LRRC4C: variants seen among roughly 807,000 people sequenced by gnomAD.
LRRC4C encodes the protein leucine rich repeat containing 4C.
A neutral mutation model predicts 33.6 loss-of-function variants in LRRC4C; 5 were observed. The observed-to-expected ratio is 0.15, with a 90% confidence interval of 0.08 to 0.31. The LOEUF is 0.31. LRRC4C is among the 10% of genes least tolerant of loss of function. LRRC4C has a pLI of 1.00. For missense variants in LRRC4C, 560 were observed against 796.7 expected (o/e 0.70, Z 3.58); for synonymous variants, 329 against 302.0 (o/e 1.09, Z -0.93).
At chr11:40,520,454 A>C (rs540257874) in intron 3 of LRRC4C, among the ~76,000 whole-genome samples, 2 of 152,272 alleles carry the variant, frequency 1.3e-5, no homozygotes, top group East Asian at 3.9e-4. Context: ...TAATTAGCCT[A>C]ATTTAAATAT....
chr11:40,141,462 G>T (rs1857362434), intron 5 of LRRC4C, among the ~76,000 whole-genome samples: 1 of 152,194 alleles, frequency 6.6e-6, no homozygotes. Context: ...GAGATCCTAA[G>T]AGAGAGAGCT....
At chr11:40,940,281 G>A (rs1410894110) in intron 1 of LRRC4C, among the ~76,000 whole-genome samples, 3 of 152,110 alleles carry the variant, frequency 2.0e-5, no homozygotes, top group African/African-American at 7.2e-5. Context: ...CACGTAGTAT[G>A]TACCAAACAA....
chr11:40,413,665 C>T (rs1950226887), intron 3 of LRRC4C, among the ~76,000 whole-genome samples: 1 of 152,078 alleles, frequency 6.6e-6, no homozygotes, highest in Non-Finnish European at 1.5e-5. Flanking sequence ...AATTGTAACA[C>T]TTGGACATTC....
At chr11:40,288,797 T>C (rs1246623767) in intron 4 of LRRC4C, among the ~76,000 whole-genome samples, 1 of 152,234 alleles carries the variant, frequency 6.6e-6, no homozygotes, top group African/African-American at 2.4e-5. Context: ...TTAATATTAG[T>C]AATGGAATTT....
intron 1 of LRRC4C, among the ~76,000 whole-genome samples, chr11:41,271,414 C>T (rs1054276552): frequency 6.6e-5 from 10 of 152,062 alleles, no homozygotes; most frequent in African/African-American, 2.4e-4. Flanking sequence ...TTCACATTCT[C>T]TCTGTTCTAC....
intron 1 of LRRC4C, among the ~76,000 whole-genome samples, chr11:40,948,890 G>C (rs948280886): frequency 6.6e-6 from 1 of 151,918 alleles, no homozygotes; most frequent in African/African-American, 2.4e-5. Context: ...CCCAGTAATG[G>C]GATGGCTGGG....
chr11:40,780,177 G>C (rs917845919), intron 2 of LRRC4C, among the ~76,000 whole-genome samples: 1 of 152,088 alleles, frequency 6.6e-6, no homozygotes, highest in Non-Finnish European at 1.5e-5. Context: ...TCTTTGGTAA[G>C]AGCTCTGGCA....
chr11:40,339,686 A>G (rs1946778740), intron 3 of LRRC4C, among the ~76,000 whole-genome samples: 1 of 152,134 alleles, frequency 6.6e-6, no homozygotes, highest in Non-Finnish European at 1.5e-5. Flanking sequence ...GTGGCAGAAA[A>G]TTTTTGTTAA....
chr11:40,703,618 A>T (rs1010641353), intron 2 of LRRC4C, among the ~76,000 whole-genome samples: 2 of 152,128 alleles, frequency 1.3e-5, no homozygotes, highest in African/African-American at 2.4e-5. Context: ...TGATTGAGAT[A>T]ATCACAGTAT....
intron 3 of LRRC4C, among the ~76,000 whole-genome samples, chr11:40,408,093 TAGAA>T (rs1309030565): frequency 6.6e-6 from 1 of 151,982 alleles, no homozygotes; most frequent in African/African-American, 2.4e-5. Flanking sequence ...ACCACCAACA[TAGAA>T]AGAAATGTTA....
intron 1 of LRRC4C, among the ~76,000 whole-genome samples, chr11:41,267,595 G>C (rs1949192318): frequency 6.6e-6 from 1 of 152,102 alleles, no homozygotes. Context: ...TCTACGCTTA[G>C]AATCTGCCAA....
intron 3 of LRRC4C, among the ~76,000 whole-genome samples, chr11:40,348,933 A>AT (rs979259708): frequency 6.6e-6 from 1 of 152,106 alleles, no homozygotes; most frequent in East Asian, 1.9e-4. Context: ...AGTGTATTTA[A>AT]TTTTTTATTT....
intron 2 of LRRC4C, among the ~76,000 whole-genome samples, chr11:40,721,186 G>A (rs760086069): frequency 6.6e-6 from 1 of 152,214 alleles, no homozygotes; most frequent in East Asian, 1.9e-4. Context: ...TCCCCAGTGC[G>A]GTGGAATTTG....
chr11:40,618,880 T>A lies in LRRC4C; in HGVS notation c.-270+29262A>T, dbSNP rs138026798. On this transcript the variant is annotated intron_variant, in intron 3 of 6. Transcript: ENST00000528697. ...TAGAAAAGCAGGTGGCATTTTGGGA[T>A]GTCTATTTGTACATCTATAAATGGG... Among the ~76,000 whole-genome samples the A allele has an allele frequency of 3.5e-3, 531 of 151,868 alleles. 2 individuals are homozygous for A. Among genetic ancestry groups the A allele is most frequent in the African/African-American group, 0.012 (505 of 41,514 alleles).
At chr11:40,781,017 C>T (rs1026677578) in intron 2 of LRRC4C, among the ~76,000 whole-genome samples, 1 of 152,058 alleles carries the variant, frequency 6.6e-6, no homozygotes, top group African/African-American at 2.4e-5. Context: ...ATTTTGTCAT[C>T]GTGCAAGCAT....
In LRRC4C at chr11:41,090,749, G is replaced by T. The variant is rs377137361; in HGVS notation, c.-495-157026C>A. ...CCCTATGATGTTCCTGCGATAGTGAGTTCTCAAAAGATCTGAGGGTTTTAT... is the reference window on the plus strand; with the variant it reads ...CCCTATGATGTTCCTGCGATAGTGATTTCTCAAAAGATCTGAGGGTTTTAT... On this transcript the variant is annotated intron_variant, in intron 1 of 6. Coordinates refer to ENST00000528697, the MANE Select transcript of LRRC4C (RefSeq NM_001258419.2). 2.0e-5 allele frequency among the ~76,000 whole-genome samples: 3 copies of T among 152,142 alleles called. No homozygotes were observed. In the East Asian group the frequency reaches 5.8e-4, roughly 30 times the overall value.
At chr11:40,332,774 T>G (rs756234699) in intron 3 of LRRC4C, among the ~76,000 whole-genome samples, 1 of 152,204 alleles carries the variant, frequency 6.6e-6, no homozygotes, top group Non-Finnish European at 1.5e-5. Flanking sequence ...ATGTCAATAC[T>G]TTCTAGTTGT....
At chr11:40,624,541 GT>G (rs1411666851) in intron 3 of LRRC4C, among the ~76,000 whole-genome samples, 1 of 152,124 alleles carries the variant, frequency 6.6e-6, no homozygotes, top group African/African-American at 2.4e-5. Context: ...TCATTTGACA[GT>G]TTCTGAGTCT....
intron 3 of LRRC4C, among the ~76,000 whole-genome samples, chr11:40,407,303 G>A (rs183646846): frequency 1.9e-4 from 29 of 152,190 alleles, no homozygotes; most frequent in Admixed American, 1.4e-3. Flanking sequence ...CCAAACTACA[G>A]CTCAGACATG....
Sources: allele counts gnomAD v4.1 joint callset (sites outside exome capture counted in the v4.1 genomes callset), GRCh38; gene constraint gnomAD v4.1.1; transcripts MANE v1.5; gene names NCBI Gene and HGNC (gene_info 2026-07-23, HGNC 2026-07-21).